SGCD: variants seen among roughly 807,000 people sequenced by gnomAD.
SGCD encodes delta-sarcoglycan.
A neutral mutation model predicts 36.6 loss-of-function variants in SGCD; 18 were observed. The ratio of observed to expected loss-of-function variants is 0.49; its 90% confidence interval spans 0.34 to 0.73. The LOEUF (loss-of-function observed/expected upper bound fraction) is 0.73. Ranked by LOEUF, SGCD falls within the 30% of genes least tolerant of loss-of-function variation. The pLI is 0.01. For synonymous variants in SGCD, 133 were observed against 130.6 expected (o/e 1.02, Z -0.12); for missense variants, 387 against 346.7 (o/e 1.12, Z -0.92).
At chr5:156,000,722 C>T (rs1203328889) in intron 1 of SGCD, among the ~76,000 whole-genome samples, 1 of 151,954 alleles carries the variant, frequency 6.6e-6, no homozygotes, top group Admixed American at 6.6e-5. Context: ...TTAGACCAGA[C>T]CAGTGGTTCT....
At chr5:155,996,925 GCAGACAGA>G (rs149720494) in intron 1 of SGCD, among the ~76,000 whole-genome samples, 12 of 141,010 alleles carry the variant, frequency 8.5e-5, no homozygotes, top group African/African-American at 3.2e-4. Context: ...AGACAGGCAG[GCAGACAGA>G]CAGACAGACA....
chr5:156,269,386 C>T (rs530444664), intron 3 of SGCD, among the ~76,000 whole-genome samples: 69 of 136,384 alleles, frequency 5.1e-4, no homozygotes, highest in African/African-American at 1.7e-3. Flanking sequence ...AGGAGAATGG[C>T]GTGAACCTGG....
At chr5:155,833,624 CTA>C in the SGCD span, among the ~76,000 whole-genome samples, 1 of 152,308 alleles carries the variant, frequency 6.6e-6, no homozygotes, top group East Asian at 1.9e-4. Context: ...GGGGAAAAGT[CTA>C]TCTGTTCATT....
At chr5:156,208,394 C>A (rs540516317) in intron 3 of SGCD, among the ~76,000 whole-genome samples, 95 of 152,340 alleles carry the variant, frequency 6.2e-4, no homozygotes, top group African/African-American at 2.2e-3. Flanking sequence ...ATGTTCTCTG[C>A]ATCTTCTGCC....
At chr5:156,278,638 G>C (rs1766377111) in intron 3 of SGCD, among the ~76,000 whole-genome samples, 1 of 152,158 alleles carries the variant, frequency 6.6e-6, no homozygotes, top group African/African-American at 2.4e-5. Flanking sequence ...GTCATTTTGA[G>C]GCAGCTTCAT....
At chr5:155,769,877 C>T in the SGCD span, among the ~76,000 whole-genome samples, 6 of 152,078 alleles carry the variant, frequency 3.9e-5, no homozygotes, top group Non-Finnish European at 7.4e-5. Context: ...TACCTGATGT[C>T]GCCTCACCAA....
chr5:156,753,346 A>C (rs1320803470), intron 7 of SGCD, among the ~76,000 whole-genome samples: 3 of 152,070 alleles, frequency 2.0e-5, no homozygotes, highest in African/African-American at 7.2e-5. Context: ...AGTAGTGTTC[A>C]TTTCCAAGAG....
rs1045690763 is a variant in SGCD at position 156,093,414 on chromosome 5, A to C, written c.-281-24464A>C. Among the ~76,000 whole-genome samples the C allele has an allele frequency of 5.9e-5, 9 of 152,220 alleles. No individual in the cohort carries two copies. In the South Asian group the frequency reaches 1.9e-3, roughly 32 times the overall value. ...GAGATCACTCTACCGAATGAAAGTC[A>C]TGTTCAGTAGTCTTGAATTCTTCAG... On this transcript the variant is annotated intron_variant, in intron 1 of 9. Coordinates refer to the SGCD transcript ENST00000517913.
chr5:156,604,244 CT>C (rs1761323788), intron 6 of SGCD, among the ~76,000 whole-genome samples: 1 of 151,776 alleles, frequency 6.6e-6, no homozygotes, highest in African/African-American at 2.4e-5. Flanking sequence ...TTTGAATGGA[CT>C]GTCTTTTTTC....
At chr5:156,471,897 G>A (rs1245796903) in intron 3 of SGCD, among the ~76,000 whole-genome samples, 1 of 148,242 alleles carries the variant, frequency 6.7e-6, no homozygotes, top group East Asian at 1.9e-4. Context: ...TATCAATAAT[G>A]TATAAATGAT....
At chr5:155,920,935 C>A (rs1756863633) in intron 1 of SGCD, among the ~76,000 whole-genome samples, 1 of 152,102 alleles carries the variant, frequency 6.6e-6, no homozygotes. Context: ...ACACTTGGGT[C>A]TGGCTGGAGT....
intron 4 of SGCD, among the ~76,000 whole-genome samples, chr5:156,550,136 T>A (rs1175215177): frequency 2.0e-5 from 3 of 152,172 alleles, no homozygotes; most frequent in Non-Finnish European, 2.9e-5. Context: ...GAAACTCTTT[T>A]ATAGCTCCCA....
At chr5:156,748,248 A>G (rs56297325) in intron 7 of SGCD, among the ~76,000 whole-genome samples, 20,991 of 152,182 alleles carry the variant, frequency 0.14, 2,837 homozygotes, top group African/African-American at 0.35. Flanking sequence ...AGCATGAGGT[A>G]ACTTTCTGGG....
chr5:155,787,720 T>C, the SGCD span, among the ~76,000 whole-genome samples: 2 of 152,078 alleles, frequency 1.3e-5, no homozygotes, highest in Non-Finnish European at 2.9e-5. Flanking sequence ...TTGCTTAGAA[T>C]CCCAGGGTTT....
chr5:155,969,379 A>ATTT (rs1757964592), intron 1 of SGCD, among the ~76,000 whole-genome samples: 1 of 152,172 alleles, frequency 6.6e-6, no homozygotes, highest in Non-Finnish European at 1.5e-5. Flanking sequence ...TGCCTGTAAG[A>ATTT]AATCCTACAG....
chr5:156,433,358 T>C (rs1468171474), intron 3 of SGCD, among the ~76,000 whole-genome samples: 1 of 152,156 alleles, frequency 6.6e-6, no homozygotes, highest in Non-Finnish European at 1.5e-5. Flanking sequence ...CATGCTCTAC[T>C]GCCTTCCCCA....
chr5:156,615,994 C>A (rs951546979), intron 6 of SGCD, among the ~76,000 whole-genome samples: 29 of 152,066 alleles, frequency 1.9e-4, no homozygotes, highest in Non-Finnish European at 1.9e-4. Flanking sequence ...GATATAAATC[C>A]AATTCAAAGG....
chr5:156,344,376 G>A, intron 2 of SGCD, 113 bp from the exon 3 acceptor site: 1 of 705,514 alleles, frequency 1.4e-6, no homozygotes, highest in Non-Finnish European at 2.3e-6. Flanking sequence ...GGGTATAAAA[G>A]TAGACAGCAG....
chr5:156,607,776 G>A (rs1393756634), intron 6 of SGCD, among the ~76,000 whole-genome samples: 4 of 152,148 alleles, frequency 2.6e-5, no homozygotes, highest in Non-Finnish European at 5.9e-5. Context: ...AGTCTTGGGA[G>A]GGTGTATGTG....
Sources: allele counts gnomAD v4.1 joint callset (sites outside exome capture counted in the v4.1 genomes callset), GRCh38; gene constraint gnomAD v4.1.1; transcripts MANE v1.5; gene names NCBI Gene and HGNC (gene_info 2026-07-23, HGNC 2026-07-21).